PCDH15: variants seen among roughly 807,000 people sequenced by gnomAD.
The protein encoded by PCDH15 is protocadherin related 15.
In PCDH15, 129 loss-of-function variants were observed where a neutral mutation model predicts 178.5. That is an observed-to-expected ratio of 0.72 (90% CI 0.63 to 0.84). The LOEUF is 0.84. Ranked by LOEUF, PCDH15 falls within the 40% of genes least tolerant of loss-of-function variation. PCDH15 has a pLI of 0.00. For synonymous variants in PCDH15, 800 were observed against 732.0 expected (o/e 1.09, Z -1.50); for missense variants, 2,230 against 2,099.9 (o/e 1.06, Z -1.21).
Position 54,436,420 on chromosome 10 carries a change from A to G in PCDH15, c.158-57478T>C, listed in dbSNP as rs566343860. Among the ~76,000 whole-genome samples the G allele has an allele frequency of 2.0e-5, 3 of 152,258 alleles. No homozygotes were observed. The East Asian group carries it at 5.8e-4, about 29-fold the overall frequency. ...ATAAAATATGTTATTAATGAACAAA[A>G]TAAAAAAATCTAAAAAAGGAACATG... On this transcript the variant is annotated intron_variant, in intron 3 of 37. Transcript: ENST00000644397.
intron 2 of PCDH15, among the ~76,000 whole-genome samples, chr10:55,489,138 T>C (rs1039484831): frequency 6.6e-6 from 1 of 151,514 alleles, no homozygotes; most frequent in Non-Finnish European, 1.5e-5. Context: ...ACCATCACTT[T>C]TATTTTCTTT....
intron 15 of PCDH15, among the ~76,000 whole-genome samples, chr10:54,115,455 T>C (rs1408766751): frequency 6.6e-6 from 1 of 152,218 alleles, no homozygotes; most frequent in Admixed American, 6.5e-5. Context: ...ATTAGAAATG[T>C]TGCACACTGA....
intron 23 of PCDH15, among the ~76,000 whole-genome samples, chr10:53,954,756 C>G (rs1246430267): frequency 2.0e-5 from 3 of 152,084 alleles, no homozygotes; most frequent in Non-Finnish European, 4.4e-5. Context: ...TTAAAACAAC[C>G]AGAAATGTTA....
intron 15 of PCDH15, among the ~76,000 whole-genome samples, chr10:54,123,110 G>A (rs1233629630): frequency 6.6e-6 from 1 of 152,074 alleles, no homozygotes; most frequent in African/African-American, 2.4e-5. Context: ...ATCACCTTTG[G>A]CAAAGGATTT....
At chr10:55,124,051 G>A (rs4935574) in intron 2 of PCDH15, among the ~76,000 whole-genome samples, 15 of 152,274 alleles carry the variant, frequency 9.9e-5, no homozygotes, top group African/African-American at 3.6e-4. Flanking sequence ...TGGGCTGCAA[G>A]GAGCTTTTCT....
intron 3 of PCDH15, among the ~76,000 whole-genome samples, chr10:54,421,944 T>TAA (rs1171693793): frequency 4.7e-5 from 5 of 107,346 alleles, no homozygotes; most frequent in African/African-American, 8.3e-5. Flanking sequence ...TATATATATA[T>TAA]AAAAATATAT....
chr10:55,097,246 G>GC (rs540816359), intron 2 of PCDH15, among the ~76,000 whole-genome samples: 2 of 152,048 alleles, frequency 1.3e-5, no homozygotes, highest in Non-Finnish European at 2.9e-5. Flanking sequence ...CTGTCACGGT[G>GC]CAAAACATTA....
At chr10:54,469,343 C>T (rs1293772867) in intron 3 of PCDH15, among the ~76,000 whole-genome samples, 6 of 152,258 alleles carry the variant, frequency 3.9e-5, no homozygotes, top group African/African-American at 9.6e-5. Context: ...GTAATCTGCC[C>T]GCCTCAGCCT....
intron 1 of PCDH15, among the ~76,000 whole-genome samples, chr10:54,724,915 GATAT>G (rs1566047111): frequency 4.3e-5 from 4 of 93,008 alleles, no homozygotes. Flanking sequence ...TATAGATATA[GATAT>G]AGATATAGAT....
chr10:55,621,499 G>A (rs1203795668), intron 2 of PCDH15, among the ~76,000 whole-genome samples: 1 of 152,152 alleles, frequency 6.6e-6, no homozygotes, highest in East Asian at 1.9e-4. Context: ...GAAAGGTAAT[G>A]GTGGGTGGCA....
chr10:53,853,184 C>T (rs1319353768), intron 28 of PCDH15, among the ~76,000 whole-genome samples: 2 of 150,458 alleles, frequency 1.3e-5, no homozygotes, highest in Non-Finnish European at 3.0e-5. Context: ...ATTTCTTAAA[C>T]AACTAGTATT....
At chr10:54,313,631 T>C (rs10509010) in intron 8 of PCDH15, among the ~76,000 whole-genome samples, 16,925 of 151,978 alleles carry the variant, frequency 0.11, 1,004 homozygotes, top group Middle Eastern at 0.2. Context: ...ATTGTATCTA[T>C]ATACTTAAAC....
At chr10:54,182,127 T>C (rs549405563) in intron 13 of PCDH15, among the ~76,000 whole-genome samples, 3 of 152,232 alleles carry the variant, frequency 2.0e-5, no homozygotes, top group African/African-American at 7.2e-5. Flanking sequence ...CCGGCTAATT[T>C]TTTTAAAAAT....
At chr10:54,784,408 G>A (rs1002430089) in intron 1 of PCDH15, among the ~76,000 whole-genome samples, 8 of 151,254 alleles carry the variant, frequency 5.3e-5, no homozygotes, top group South Asian at 2.1e-4. Flanking sequence ...AGCAGATTTC[G>A]CGGTAGAAAT....
At chr10:55,577,320 A>G (rs1050256437) in intron 2 of PCDH15, among the ~76,000 whole-genome samples, 1 of 152,160 alleles carries the variant, frequency 6.6e-6, no homozygotes, top group Non-Finnish European at 1.5e-5. Context: ...TTCAGATTTT[A>G]TTTGTACATA....
chr10:54,529,561 A>G (rs1407345390), intron 2 of PCDH15, among the ~76,000 whole-genome samples: 1 of 152,134 alleles, frequency 6.6e-6, no homozygotes, highest in Non-Finnish European at 1.5e-5. Flanking sequence ...TCCTTTATTG[A>G]GAATTAAGCA....
chr10:55,427,658 A>G (rs1838789411), intron 2 of PCDH15, among the ~76,000 whole-genome samples: 1 of 152,206 alleles, frequency 6.6e-6, no homozygotes, highest in South Asian at 2.1e-4. Flanking sequence ...AAATGGGTTC[A>G]TATACTTGAT....
chr10:54,942,689 C>G (rs181667590), intron 2 of PCDH15, among the ~76,000 whole-genome samples: 6 of 151,934 alleles, frequency 3.9e-5, no homozygotes, highest in Non-Finnish European at 7.4e-5. Flanking sequence ...AAAGGCTTAC[C>G]TTTACAACTT....
At chr10:54,172,094 C>A (rs1230946045) in intron 13 of PCDH15, among the ~76,000 whole-genome samples, 2 of 152,088 alleles carry the variant, frequency 1.3e-5, no homozygotes, top group African/African-American at 4.8e-5. Context: ...CATCGCATCC[C>A]CTGTGACTTG....
Sources: gnomAD v4.1 joint callset for allele counts (sites outside exome capture counted in the v4.1 genomes callset) on GRCh38, gnomAD v4.1.1 for gene constraint, MANE v1.5 for transcripts, NCBI Gene and HGNC (gene_info 2026-07-23, HGNC 2026-07-21) for gene names.